MARK4: variants seen among roughly 807,000 people sequenced by gnomAD.
MARK4 encodes MAP/microtubule affinity-regulating kinase 4.
In MARK4, 19 loss-of-function variants were observed where a neutral mutation model predicts 81.5. The ratio of observed to expected loss-of-function variants is 0.23; its 90% CI spans 0.16 to 0.34. The LOEUF is 0.34. MARK4 is among the 10% of genes least tolerant of loss of function. MARK4 has a pLI of 1.00. For synonymous variants in MARK4, 436 were observed against 439.0 expected, an observed-to-expected ratio of 0.99 and a Z score of 0.08; for missense variants, 772 against 1,058.8, an observed-to-expected ratio of 0.73 and a Z score of 3.76.
intron 2 of MARK4, among the ~76,000 whole-genome samples, chr19:45,260,678 C>G (rs546388987): frequency 5.1e-4 from 78 of 151,730 alleles, no homozygotes; most frequent in African/African-American, 1.9e-3. Context: ...GCCTGGGTGA[C>G]AGAGCAAGAC....
At chr19:45,280,188 A>C (rs994284574) in intron 10 of MARK4, 186 bp from the exon 11 acceptor site, 7 of 574,000 alleles carry the variant, frequency 1.2e-5, no homozygotes, top group Admixed American at 6.0e-5. Flanking sequence ...GTCTCTACTG[A>C]AAATACAAAA....
At chr19:45,270,847 C>T (rs991954547) in intron 7 of MARK4, among the ~76,000 whole-genome samples, 1 of 152,020 alleles carries the variant, frequency 6.6e-6, no homozygotes, top group African/African-American at 2.4e-5. Context: ...CTCGGCTCAC[C>T]GCAACCTCCA....
At chr19:45,295,943 T>C (rs1970881804) in intron 14 of MARK4, among the ~76,000 whole-genome samples, 1 of 152,120 alleles carries the variant, frequency 6.6e-6, no homozygotes, top group South Asian at 2.1e-4. Context: ...ATAGTGAACA[T>C]TCATGAAGCA....
At chr19:45,296,816 A>G (rs1970893491) in intron 14 of MARK4, among the ~76,000 whole-genome samples, 1 of 152,182 alleles carries the variant, frequency 6.6e-6, no homozygotes. Context: ...TTGGGAGGCC[A>G]AGGCCAGTGG....
chr19:45,283,984 A>T (rs200271887), intron 12 of MARK4, among the ~76,000 whole-genome samples: 1 of 151,344 alleles, frequency 6.6e-6, no homozygotes, highest in Admixed American at 6.6e-5. Flanking sequence ...ATCTCACCTT[A>T]TCTTTTTCTA....
At chr19:45,260,556 G>A (rs1035475468) in intron 2 of MARK4, among the ~76,000 whole-genome samples, 25 of 151,906 alleles carry the variant, frequency 1.6e-4, no homozygotes, top group Non-Finnish European at 3.4e-4. Flanking sequence ...AATTAGCTGG[G>A]TGTGGTGGTG....
intron 7 of MARK4, among the ~76,000 whole-genome samples, chr19:45,268,470 G>T (rs150255990): frequency 6.6e-6 from 1 of 151,936 alleles, no homozygotes; most frequent in East Asian, 2.0e-4. Flanking sequence ...TATAATTCCA[G>T]CTGCTTGAGA....
intron 2 of MARK4, among the ~76,000 whole-genome samples, chr19:45,259,544 T>G (rs1970354163): frequency 6.6e-6 from 1 of 152,126 alleles, no homozygotes; most frequent in Non-Finnish European, 1.5e-5. Flanking sequence ...GGAGGATTCC[T>G]TGAGCTCAGG....
rs1391398357 is a variant in MARK4 at position 45,287,309 on chromosome 19, A to G, written c.1277-138A>G. 2.5e-5 allele frequency: 13 copies of G among 521,106 alleles called. No individual in the cohort carries two copies. In the Admixed American group the frequency reaches 4.2e-4, roughly 17 times the overall value. 32.3% of individuals were successfully genotyped at this position (521,106 alleles called of 1,614,324 possible). On this transcript the variant is annotated intron_variant, in intron 12 of 16. Transcript: ENST00000262891. ...ATATGTGCGTTGGTAATCTTGAGGT[A>G]ATTTTGACAGATATTGTCAGAATGG...
intron 2 of MARK4, chr19:45,262,878 A>C (rs748696487): frequency 2.1e-6 from 1 of 484,662 alleles, no homozygotes; most frequent in African/African-American, 2.0e-5. Context: ...GATTCTTCCA[A>C]CTCAGCCTCC....
Position 45,267,217 on chromosome 19 carries a change from C to G in MARK4, c.549+936C>G, listed in dbSNP as rs1970467243. ...GAGGTCACAGGCACCTGTCACCATG[C>G]CCAGCTATTTTTGTATTTTTAGTAG... On this transcript the variant is annotated intron_variant, in intron 7 of 16. Transcript: ENST00000262891. Among the ~76,000 whole-genome samples, 5 of 152,096 alleles carry G rather than the reference C, an allele frequency of 3.3e-5. No individual in the cohort carries two copies. In the South Asian group the frequency reaches 1.0e-3, roughly 32 times the overall value.
chr19:45,303,003 A>G lies in MARK4; in HGVS notation c.*293A>G. 1 of 472,330 alleles carries G rather than the reference A, an allele frequency of 2.1e-6. No individual in the cohort carries two copies. Among genetic ancestry groups the G allele is most frequent in the Admixed American group, 4.0e-5 (1 of 25,308 alleles). The allele number at this position is 472,330 out of a possible 1,614,324, so 29.3% of individuals were successfully genotyped here. ...GAGACTTTGGGGACAGGGCAGGGGC[A>G]GGGAGGGAAACTGAGGAAATCTTCC... On this transcript the variant is annotated 3_prime_UTR_variant, in exon 17 of 17. Coordinates refer to ENST00000262891, the MANE Select transcript of MARK4 (RefSeq NM_001199867.2).
intron 15 of MARK4, 102 bp downstream of exon 15, chr19:45,298,056 T>C: frequency 2.7e-6 from 4 of 1,491,306 alleles, no homozygotes; most frequent in Non-Finnish European, 3.7e-6. Flanking sequence ...ACATTTCCTC[T>C]TCCTCCTCCT....
chr19:45,270,020 G>A (rs1283144016), intron 7 of MARK4, among the ~76,000 whole-genome samples: 1 of 152,016 alleles, frequency 6.6e-6, no homozygotes, highest in South Asian at 2.1e-4. Flanking sequence ...TAGAGACAGG[G>A]TTTTACCATG....
In MARK4 at chr19:45,303,076, G is replaced by A; in HGVS notation, c.*366G>A. On this transcript the variant is annotated 3_prime_UTR_variant, in exon 17 of 17. Transcript: ENST00000262891. ...TAGGCCTTGGGCAGGGGCAGGGAGAGCTGCTGAGCCTAAAGACTGGAGAAT... is the reference window on the plus strand; with the variant it reads ...TAGGCCTTGGGCAGGGGCAGGGAGAACTGCTGAGCCTAAAGACTGGAGAAT... The A allele has an allele frequency of 1.1e-5, 3 of 271,076 alleles. No homozygotes were observed. The highest frequency in any genetic ancestry group is 9.9e-5 in the South Asian group (2 of 20,182). The allele number at this position is 271,076 out of a possible 1,614,324, so 16.8% of individuals were successfully genotyped here.
At position 45,297,832 on chromosome 19, in the gene MARK4, G is replaced by T. The variant is rs750746729; in HGVS notation, c.1755G>T (p.Gly585=). 1.9e-5 allele frequency: 29 copies of T among 1,545,610 alleles called. No individual in the cohort carries two copies. The highest frequency in any genetic ancestry group is 3.5e-4 in the Middle Eastern group (2 of 5,674). The stretch of plus-strand genomic sequence containing the variant: ...GGCGGGCAGGGGGTGGGGGTGGTGG[G>T]GGTGTGCAGAATGGGCCCCCTGCCT... ...RDRRAGGGGG[G]GVQNGPPASP... is the part of the protein sequence containing the mutation. Residue 585 remains glycine, a synonymous_variant, in exon 15 of 17, where the codon GGG becomes GGT. Coordinates refer to ENST00000262891, the MANE Select transcript of MARK4 (RefSeq NM_001199867.2).
chr19:45,280,386 G>A lies in MARK4; in HGVS notation c.1019G>A (p.Gly340Asp). 6.2e-7 allele frequency: 1 copy of A among 1,614,170 alleles called. No homozygotes were observed. Among genetic ancestry groups the A allele is most frequent in the Non-Finnish European group, 8.5e-7 (1 of 1,180,004 alleles). Residue 340 changes from glycine (G) to aspartate (D), a missense_variant, in exon 11 of 17, where the codon GGT becomes GAT. Gly to Asp is a moderately conservative substitution (Grantham distance 94). Around this residue, in one of 3 missense-constraint regions of MARK4, gnomAD observed 548 missense variants for 624.3 expected, o/e 0.88. Transcript: ENST00000262891. The part of the protein sequence containing the change: ...GDTKRIEVMV[G>D]MGYTREEIKE... ...CCCCCCCTCCCAGAGGTGATGGTGG[G>A]TATGGGCTACACACGGGAAGAAATC...
At chr19:45,298,277 T>A in intron 15 of MARK4, 3 of 1,564,650 alleles carry the variant, frequency 1.9e-6, no homozygotes, top group Non-Finnish European at 1.8e-6. Context: ...CCTGCATGTC[T>A]GACCTGTGTG....
chr19:45,279,330 A>C (rs149842462), intron 10 of MARK4, among the ~76,000 whole-genome samples: 3,516 of 152,304 alleles, frequency 0.023, 57 homozygotes, highest in South Asian at 0.035. Context: ...CAGCCTGGCC[A>C]ACATGATGAA....
Sources: gnomAD v4.1 joint callset for allele counts (sites outside exome capture counted in the v4.1 genomes callset) on GRCh38, gnomAD v4.1.1 for gene constraint, gnomAD v4.1.1 regional missense constraint, MANE v1.5 for transcripts, NCBI Gene and HGNC (gene_info 2026-07-23, HGNC 2026-07-21) for gene names.